The following FCGRT variants were observed in gnomAD, a reference collection of about 807,000 sequenced individuals.
The protein encoded by FCGRT is IgG receptor FcRn large subunit p51.
A neutral mutation model predicts 35.7 loss-of-function variants in FCGRT; 13 were observed. That is an observed-to-expected ratio of 0.36 (90% CI 0.24 to 0.58). FCGRT has a LOEUF of 0.58. Ranked by LOEUF, FCGRT falls within the 20% of genes least tolerant of loss-of-function variation. The probability of loss-of-function intolerance (pLI) is 0.77; values close to 1 mark genes in which losing one functional copy is unlikely to be tolerated. For missense variants in FCGRT, 455 were observed against 474.9 expected (o/e 0.96, Z 0.39); for synonymous variants, 233 against 216.5 (o/e 1.08, Z -0.67).
At chr19:49,525,902 T>C in intron 6 of FCGRT, 108 bp from the exon 7 acceptor site, 1 of 779,730 alleles carries the variant, frequency 1.3e-6, no homozygotes, top group South Asian at 1.4e-5. Flanking sequence ...AGGAAGGGGA[T>C]AGAGACTGAG....
chr19:49,520,217 C>A (rs1318974076), intron 4 of FCGRT, among the ~76,000 whole-genome samples: 4 of 149,808 alleles, frequency 2.7e-5, no homozygotes, highest in African/African-American at 5.0e-5. Flanking sequence ...GCAACCTCCA[C>A]CTCCCAGGTT....
chr19:49,522,322 C>T (rs1382794359), intron 4 of FCGRT, among the ~76,000 whole-genome samples: 1 of 152,026 alleles, frequency 6.6e-6, no homozygotes, highest in Non-Finnish European at 1.5e-5. Context: ...TCAAGTGATC[C>T]ACCTCATTCT....
Position 49,525,479 on chromosome 19 carries a change from G to A in FCGRT, c.894G>A (p.Val298=), listed in dbSNP as rs893945588. 5.0e-6 allele frequency: 8 copies of A among 1,613,750 alleles called. No homozygotes were observed. Among genetic ancestry groups the A allele is most frequent in the Non-Finnish European group, 6.8e-6 (8 of 1,179,916 alleles). Residue 298 remains valine (V), a synonymous_variant, in exon 6 of 7, where the codon GTG becomes GTA. Transcript: ENST00000221466. ...VELESPAKSS[V]LVVGIVIGVL... ...CAGAATCTCCAGCCAAGTCCTCCGTGCTCGTGGTGGGAATCGTCATCGGTG... is the reference window on the plus strand; with the variant it reads ...CAGAATCTCCAGCCAAGTCCTCCGTACTCGTGGTGGGAATCGTCATCGGTG...
intron 5 of FCGRT, 90 bp downstream of exon 5, chr19:49,524,866 C>A: frequency 1.6e-6 from 2 of 1,224,634 alleles, no homozygotes; most frequent in Non-Finnish European, 2.3e-6. Context: ...CCTTCCTCCC[C>A]ACTGCTGCCA....
chr19:49,515,559 G>C (rs748398633), intron 4 of FCGRT, among the ~76,000 whole-genome samples: 1 of 152,068 alleles, frequency 6.6e-6, no homozygotes, highest in Non-Finnish European at 1.5e-5. Flanking sequence ...GGGATTACAG[G>C]AGTGAGCTAC....
chr19:49,515,915 T>G (rs1049485640), intron 4 of FCGRT, among the ~76,000 whole-genome samples: 1 of 152,174 alleles, frequency 6.6e-6, no homozygotes, highest in Non-Finnish European at 1.5e-5. Flanking sequence ...CTCCTTATTC[T>G]TCAAGGTCAG....
chr19:49,525,056 C>T, intron 5 of FCGRT: 1 of 455,642 alleles, frequency 2.2e-6, no homozygotes, highest in Non-Finnish European at 3.8e-6. Context: ...CATCCTGCTG[C>T]TGCTGCTGCT....
intron 4 of FCGRT, among the ~76,000 whole-genome samples, chr19:49,524,170 C>T (rs1009245023): frequency 6.6e-6 from 1 of 151,858 alleles, no homozygotes; most frequent in Non-Finnish European, 1.5e-5. Flanking sequence ...AGGTGCCCGG[C>T]TAATTTTTGT....
rs146288620 is a variant in FCGRT, at chr19:49,526,379, A to T, written c.*260A>T. On this transcript the variant is annotated 3_prime_UTR_variant, in exon 7 of 7. Coordinates refer to ENST00000221466, the MANE Select transcript of FCGRT (RefSeq NM_001136019.3). ...TTCAGGCAGGGGAGGTAAGGGAATA[A>T]GTCGGGGGACTGAATGGCGGCTGGG... 1,021 of 503,840 alleles carry T rather than the reference A, an allele frequency of 2.0e-3. 13 individuals are homozygous for T. Among genetic ancestry groups the T allele is most frequent in the African/African-American group, 0.018 (919 of 51,280 alleles). 31.2% of individuals were successfully genotyped at this position (503,840 alleles called of 1,614,324 possible). A position where few individuals can be genotyped will look rare whatever the true frequency, so the allele number is the denominator to read the frequency against.
At chr19:49,514,623 C>T in intron 4 of FCGRT, 137 bp downstream of exon 4, 1 of 784,692 alleles carries the variant, frequency 1.3e-6, no homozygotes. Flanking sequence ...AGGGGTCCTT[C>T]TACACTCAGC....
chr19:49,514,880 CG>C (rs1419903521), intron 4 of FCGRT, among the ~76,000 whole-genome samples: 3 of 151,630 alleles, frequency 2.0e-5, no homozygotes, highest in African/African-American at 7.3e-5. Context: ...TTAGTAGAGA[CG>C]GGGTTTCTTC....
intron 5 of FCGRT, chr19:49,525,213 C>T: frequency 5.6e-6 from 3 of 531,156 alleles, no homozygotes; most frequent in South Asian, 5.6e-5. Context: ...TGCACTGGCA[C>T]AGCCCCGCCT....
chr19:49,514,598 GC>G (rs915087029), intron 4 of FCGRT, 112 bp downstream of exon 4: 20 of 1,055,242 alleles, frequency 1.9e-5, no homozygotes, highest in East Asian at 7.9e-5. Context: ...CCCACGCTCT[GC>G]CCCCCCATTC....
In FCGRT at chr19:49,524,571, C is replaced by T. The variant is rs1471623069; in HGVS notation, c.666C>T (p.Ser222=). 3 of 1,613,074 alleles carry T rather than the reference C, an allele frequency of 1.9e-6. No individual in the cohort carries two copies. The highest frequency in any genetic ancestry group is 1.1e-5 in the South Asian group (1 of 91,088). ...CTGGCTTTTCCGTGCTTACCTGCAG[C>T]GCCTTCTCCTTCTACCCTCCGGAGC... is the stretch of plus-strand genomic sequence containing the variant. ...SSPGFSVLTC[S]AFSFYPPELQ... Residue 222 remains serine (S), a synonymous_variant, in exon 5 of 7, where the codon AGC becomes AGT. Coordinates refer to ENST00000221466, the MANE Select transcript of FCGRT (RefSeq NM_001136019.3).
chr19:49,523,362 T>C (rs2080053468), intron 4 of FCGRT, among the ~76,000 whole-genome samples: 2 of 151,796 alleles, frequency 1.3e-5, no homozygotes, highest in South Asian at 4.2e-4. Flanking sequence ...ATGTCAGGAA[T>C]TTGAGACCAG....
rs756324491 is a variant in FCGRT at position 49,526,028 on chromosome 19, G to A, written c.1007G>A (p.Arg336His). The change falls in exon 7 of 7, where the codon CGT (arginine) becomes CAT (histidine). Residue 336 changes from arginine to histidine, a missense_variant. Coordinates refer to ENST00000221466, the MANE Select transcript of FCGRT (RefSeq NM_001136019.3). The part of the protein sequence containing the change: ...SGLPAPWISL[R>H]GDDTGVLLPT... ...TCCTCAGCCCCTTGGATCTCCCTTC[G>A]TGGAGACGACACCGGGGTCCTCCTG... 2.0e-5 allele frequency: 33 copies of A among 1,610,948 alleles called. No homozygotes were observed. The highest frequency in any genetic ancestry group is 1.2e-4 in the Admixed American group (7 of 59,980).
Position 49,524,658 on chromosome 19 carries a change from C to T in FCGRT, c.753C>T (p.Pro251=). 8 of 1,606,778 alleles carry T rather than the reference C, an allele frequency of 5.0e-6. No homozygotes were observed. Among genetic ancestry groups the T allele is most frequent in the Non-Finnish European group, 6.8e-6 (8 of 1,179,996 alleles). The change falls in exon 5 of 7, where the codon CCC becomes CCT. Residue 251 remains proline (P), a synonymous_variant. Transcript: ENST00000221466. Reference sequence around the variant, plus strand: ...GCACCGGCCAGGGTGACTTCGGCCCCAACAGTGACGGATCCTTCCACGCCT... The same window carrying T: ...GCACCGGCCAGGGTGACTTCGGCCCTAACAGTGACGGATCCTTCCACGCCT... ...AAGTGQGDFG[P]NSDGSFHASS...
rs1461639137 is a variant in FCGRT, at chr19:49,515,012, G to C, written c.601+526G>C. 4.4e-5 allele frequency among the ~76,000 whole-genome samples: 5 copies of C among 112,880 alleles called. No homozygotes were observed. In the South Asian group the frequency reaches 1.0e-3, roughly 24 times the overall value. The allele number at this position is 112,880 out of a possible 152,430, so 74.1% of individuals were successfully genotyped here. A position where few individuals can be genotyped will look rare whatever the true frequency, so the allele number is the denominator to read the frequency against. On this transcript the variant is annotated intron_variant, in intron 4 of 6. Coordinates refer to ENST00000221466, the MANE Select transcript of FCGRT (RefSeq NM_001136019.3). ...TGGCTCCCCCCTTTTTTTTTTTTTT[G>C]AGACAGATTCTCGCTCTGTCACCCC... is the stretch of plus-strand genomic sequence containing the variant.
chr19:49,526,012 C>A lies in FCGRT; in HGVS notation c.991C>A (p.Pro331Thr). Reference sequence around the variant, plus strand: ...TCTCCCTCTCTCTCTCTCCTCAGCCCCTTGGATCTCCCTTCGTGGAGACGA... The same window carrying A: ...TCTCCCTCTCTCTCTCTCCTCAGCCACTTGGATCTCCCTTCGTGGAGACGA... ...WRRMRSGLPAPWISLRGDDTG... is the reference protein window; with the variant it reads ...WRRMRSGLPATWISLRGDDTG... The change falls in exon 7 of 7, where the codon CCT (proline) becomes ACT (threonine). Residue 331 changes from proline to threonine, a missense_variant and splice_region_variant. By Grantham distance (38) the Pro-to-Thr change is conservative (BLOSUM62 -1). Transcript: ENST00000221466. The A allele has an allele frequency of 1.9e-6, 3 of 1,601,350 alleles. No homozygotes were observed. The South Asian group carries it at 3.3e-5, about 18-fold the overall frequency.
Sources: gnomAD v4.1 joint callset for allele counts (sites outside exome capture counted in the v4.1 genomes callset) on GRCh38, gnomAD v4.1.1 for gene constraint, MANE v1.5 for transcripts, NCBI Gene and HGNC (gene_info 2026-07-23, HGNC 2026-07-21) for gene names.